Variants in LRRFIP1 observed in about 807,000 individuals in gnomAD.
The protein encoded by LRRFIP1 is LRR binding FLII interacting protein 1.
In LRRFIP1, 62 loss-of-function variants were observed where a neutral mutation model predicts 104.4. The observed-to-expected ratio is 0.59, with a 90% CI of 0.48 to 0.73. The LOEUF is 0.73. LRRFIP1 is among the 30% of genes least tolerant of loss of function. The probability of loss-of-function intolerance (pLI) is 0.00; values close to 1 mark genes in which losing one functional copy is unlikely to be tolerated. For synonymous variants in LRRFIP1, 300 were observed against 299.0 expected (o/e 1.00, Z -0.03); for missense variants, 796 against 824.5 (o/e 0.97, Z 0.42).
chr2:237,655,669 G>C (rs1234552512), intron 1 of LRRFIP1, among the ~76,000 whole-genome samples: 2 of 152,110 alleles, frequency 1.3e-5, no homozygotes, highest in Admixed American at 1.3e-4. Flanking sequence ...TTTGTGATTG[G>C]ATATATATAG....
chr2:237,752,822 T>TC (rs2058790416), intron 14 of LRRFIP1, among the ~76,000 whole-genome samples: 1 of 152,234 alleles, frequency 6.6e-6, no homozygotes, highest in South Asian at 2.1e-4. Context: ...CTTTCCTGGT[T>TC]CATAAGCCAG....
chr2:237,677,016 G>A (rs539884943), intron 1 of LRRFIP1, among the ~76,000 whole-genome samples: 5 of 152,308 alleles, frequency 3.3e-5, no homozygotes, highest in African/African-American at 7.2e-5. Flanking sequence ...TTTCTTAAAC[G>A]TTAGTTTTAA....
At chr2:237,723,612 G>C (rs767378282) in intron 7 of LRRFIP1, 26 bp downstream of exon 7, 1 of 1,613,316 alleles carries the variant, frequency 6.2e-7, no homozygotes, top group Non-Finnish European at 8.5e-7. Flanking sequence ...ATACTTTGCT[G>C]TGTGACCTTA....
At chr2:237,694,351 G>A (rs559689574) in intron 1 of LRRFIP1, among the ~76,000 whole-genome samples, 1 of 152,224 alleles carries the variant, frequency 6.6e-6, no homozygotes, top group African/African-American at 2.4e-5. Context: ...GTAAATGGTA[G>A]CAAAAACTGT....
At chr2:237,762,730 A>G (rs1161837924) in intron 19 of LRRFIP1, 2 of 1,614,264 alleles carry the variant, frequency 1.2e-6, no homozygotes, top group Non-Finnish European at 1.7e-6. Context: ...ACATAGAGGT[A>G]TTCCCTGCTG....
chr2:237,643,209 A>C (rs568933435), intron 1 of LRRFIP1, among the ~76,000 whole-genome samples: 6 of 152,320 alleles, frequency 3.9e-5, no homozygotes, highest in African/African-American at 1.4e-4. Flanking sequence ...CACTCGCTAC[A>C]CCTCTTTTGG....
rs2087632913 is a variant in LRRFIP1, at chr2:237,660,251, C to T, written c.96+32511C>T. On this transcript the variant is annotated intron_variant, in intron 1 of 23. Coordinates refer to ENST00000308482, the MANE Select transcript of LRRFIP1 (RefSeq NM_001137550.2). ...ACATGGCTCTAAAACAGAAAGAAGT[C>T]CAAACTTCACACATATTAGAAGTAT... Among the ~76,000 whole-genome samples, 3 of 152,278 alleles carry T rather than the reference C, an allele frequency of 2.0e-5. No homozygotes were observed. In the South Asian group the frequency reaches 6.2e-4, roughly 32 times the overall value.
chr2:237,762,569 T>G, intron 19 of LRRFIP1: 1 of 1,530,482 alleles, frequency 6.5e-7, no homozygotes, highest in Non-Finnish European at 8.9e-7. Context: ...CGCCACATCA[T>G]GGGGTCCCTT....
chr2:237,653,556 T>C (rs2086289477), intron 1 of LRRFIP1, among the ~76,000 whole-genome samples: 1 of 152,104 alleles, frequency 6.6e-6, no homozygotes, highest in Non-Finnish European at 1.5e-5. Context: ...GTCAAAGCAA[T>C]CTTGAGCAAT....
Position 237,649,275 on chromosome 2 carries a change from AT to A in LRRFIP1, c.96+21536del, listed in dbSNP as rs1187655178. Among the ~76,000 whole-genome samples the A allele has an allele frequency of 2.6e-5, 4 of 152,076 alleles. No homozygotes were observed. Among genetic ancestry groups the A allele is most frequent in the African/African-American group, 9.6e-5 (4 of 41,560 alleles). On this transcript the variant is annotated intron_variant, in intron 1 of 23. Coordinates refer to ENST00000308482, the MANE Select transcript of LRRFIP1 (RefSeq NM_001137550.2). The surrounding 1 kb of genome is among the most constrained non-coding windows in gnomAD (Gnocchi z 4.1). Reference sequence around the variant, plus strand: ...CCGGGCGCGATGGCTCACACCTGTAATCCCAGCACTTTGGGAGGCCAGGGCG... The same window carrying A: ...CCGGGCGCGATGGCTCACACCTGTAACCCAGCACTTTGGGAGGCCAGGGCG...
chr2:237,720,167 G>A (rs1205271085), intron 5 of LRRFIP1, among the ~76,000 whole-genome samples: 1 of 151,914 alleles, frequency 6.6e-6, no homozygotes, highest in African/African-American at 2.4e-5. Flanking sequence ...ATCCGGTCTC[G>A]AACTCCTGGG....
intron 7 of LRRFIP1, among the ~76,000 whole-genome samples, chr2:237,726,281 C>T (rs1394165436): frequency 6.6e-6 from 1 of 152,120 alleles, no homozygotes; most frequent in Non-Finnish European, 1.5e-5. Context: ...TTTTGAGTTA[C>T]AGCAAAGATA....
In LRRFIP1 at chr2:237,717,647, C is replaced by T. The variant is rs2094391582; in HGVS notation, c.202-115C>T. ...CGACTGCTTTGCCTTGGCGTGTTAC[C>T]TTCACCACACGGCTGGATGGCGGTT... On this transcript the variant is annotated intron_variant, in intron 3 of 23. Transcript: ENST00000308482. This position sits in a 1 kb window ranked among gnomAD's most constrained non-coding sequence, Gnocchi z 4.2. 2.3e-6 allele frequency: 2 copies of T among 852,478 alleles called. No homozygotes were observed. 52.8% of individuals were successfully genotyped at this position (852,478 alleles called of 1,614,324 possible).
At chr2:237,650,662 T>C (rs563821343) in intron 1 of LRRFIP1, among the ~76,000 whole-genome samples, 2 of 152,316 alleles carry the variant, frequency 1.3e-5, no homozygotes, top group African/African-American at 4.8e-5. Flanking sequence ...GTTGGCACAG[T>C]GACCGCAGGA....
intron 20 of LRRFIP1, among the ~76,000 whole-genome samples, chr2:237,771,402 G>C (rs1576423298): frequency 6.6e-6 from 1 of 151,898 alleles, no homozygotes; most frequent in East Asian, 1.9e-4. Context: ...CACAAATGAA[G>C]TGAGTTGTAG....
intron 11 of LRRFIP1, among the ~76,000 whole-genome samples, chr2:237,747,375 G>A (rs1453535089): frequency 6.6e-6 from 1 of 152,198 alleles, no homozygotes; most frequent in Non-Finnish European, 1.5e-5. Flanking sequence ...GAGGGCAGGG[G>A]CATCTGGCCC....
intron 11 of LRRFIP1, among the ~76,000 whole-genome samples, chr2:237,739,898 C>T (rs542934650): frequency 9.2e-5 from 14 of 152,190 alleles, no homozygotes; most frequent in South Asian, 4.1e-4. Context: ...TGCTTGAAGG[C>T]GACCCTATGA....
intron 19 of LRRFIP1, among the ~76,000 whole-genome samples, chr2:237,761,089 G>A (rs12613077): frequency 6.6e-6 from 1 of 152,074 alleles, no homozygotes; most frequent in African/African-American, 2.4e-5. Context: ...TCATTTTAAT[G>A]TAGAAGCTTT....
intron 6 of LRRFIP1, chr2:237,721,713 G>C (rs2094540978): frequency 6.6e-6 from 1 of 152,160 alleles, no homozygotes; most frequent in African/African-American, 2.4e-5. Flanking sequence ...CATGTAATTT[G>C]GCCCTTCCCA....
Sources: gnomAD v4.1 joint callset for allele counts (sites outside exome capture counted in the v4.1 genomes callset) on GRCh38, gnomAD v4.1.1 for gene constraint, Gnocchi (gnomAD v3.1) non-coding constraint, MANE v1.5 for transcripts, NCBI Gene and HGNC (gene_info 2026-07-23, HGNC 2026-07-21) for gene names.